The following EYA1 variants were observed in gnomAD, a reference collection of about 807,000 sequenced individuals.
EYA1 encodes protein phosphatase EYA1.
In EYA1, 16 loss-of-function variants were observed where a neutral mutation model predicts 82.0. The observed-to-expected ratio is 0.20, with a 90% CI of 0.13 to 0.30. The LOEUF is 0.30. EYA1 is among the 10% of genes least tolerant of loss of function. The pLI is 1.00. For synonymous variants in EYA1, 261 were observed against 264.4 expected (o/e 0.99, Z 0.12); for missense variants, 633 against 730.7 (o/e 0.87, Z 1.54).
At chr8:71,322,038 C>G in intron 5 of EYA1, 159 bp from the exon 6 acceptor site, 2 of 1,103,928 alleles carry the variant, frequency 1.8e-6, no homozygotes, top group Non-Finnish European at 2.7e-6. Flanking sequence ...AGTGTCTCCA[C>G]TACATGATGC....
intron 3 of EYA1, among the ~76,000 whole-genome samples, 178 bp downstream of exon 3, chr8:71,354,604 C>G (rs944672524): frequency 4.6e-5 from 7 of 152,142 alleles, no homozygotes; most frequent in African/African-American, 1.7e-4. Flanking sequence ...GTTACAATAA[C>G]TGGAAACATG....
Position 71,233,843 on chromosome 8 carries a change from A to C in EYA1, c.1140+10760T>G, listed in dbSNP as rs1460231614. Among the ~76,000 whole-genome samples, 58 of 152,216 alleles carry C rather than the reference A, an allele frequency of 3.8e-4. 1 individual carries two copies. The highest frequency in any genetic ancestry group is 3.4e-4 in the Non-Finnish European group (23 of 68,044). Reference sequence around the variant, plus strand: ...ATAAAGGTAATGCTCATCATTGACTACTATTAGAAAAATTTGAAAATAAGT... The same window carrying C: ...ATAAAGGTAATGCTCATCATTGACTCCTATTAGAAAAATTTGAAAATAAGT... On this transcript the variant is annotated intron_variant, in intron 12 of 17. Transcript: ENST00000340726.
At chr8:71,447,239 AC>A (rs1806964829) in intron 2 of EYA1, among the ~76,000 whole-genome samples, 1 of 152,048 alleles carries the variant, frequency 6.6e-6, no homozygotes, top group Non-Finnish European at 1.5e-5. Context: ...CAATCCAAAT[AC>A]ATCTTGCCTT....
chr8:71,476,474 A>G (rs1258542641), intron 2 of EYA1, among the ~76,000 whole-genome samples: 1 of 152,160 alleles, frequency 6.6e-6, no homozygotes, highest in Non-Finnish European at 1.5e-5. Flanking sequence ...CATTTAAAAA[A>G]TTACTGATAA....
chr8:71,534,383 T>A (rs563146557), intron 2 of EYA1, among the ~76,000 whole-genome samples: 2 of 152,372 alleles, frequency 1.3e-5, no homozygotes, highest in East Asian at 3.9e-4. Flanking sequence ...GATCTCAAAG[T>A]GCTTTATGTG....
At chr8:71,322,130 A>G in intron 5 of EYA1, 69 bp downstream of exon 5, 7 of 1,330,366 alleles carry the variant, frequency 5.3e-6, no homozygotes, top group Non-Finnish European at 7.6e-6. Context: ...GTGGGCACAG[A>G]CATGACTTTA....
intron 2 of EYA1, among the ~76,000 whole-genome samples, chr8:71,427,136 G>A (rs75329008): frequency 0.019 from 2,865 of 152,196 alleles, 94 homozygotes; most frequent in African/African-American, 0.066. Flanking sequence ...AATGATTTTG[G>A]GGCTACAATT....
intron 2 of EYA1, among the ~76,000 whole-genome samples, chr8:71,368,795 C>T (rs1420070646): frequency 1.3e-5 from 2 of 151,956 alleles, no homozygotes; most frequent in South Asian, 2.1e-4. Flanking sequence ...AGGGACCACA[C>T]CTTTAACCTC....
chr8:71,322,567 T>TA (rs1167361247), intron 4 of EYA1: 9 of 402,472 alleles, frequency 2.2e-5, no homozygotes, highest in Non-Finnish European at 4.2e-5. Context: ...TGGCAATACT[T>TA]AAAGAGTACA....
chr8:71,299,864 C>A, intron 7 of EYA1, 144 bp from the exon 8 acceptor site: 1 of 641,556 alleles, frequency 1.6e-6, no homozygotes, highest in Non-Finnish European at 2.8e-6. Flanking sequence ...ATGTAGTTTT[C>A]TTAACATAGT....
intron 2 of EYA1, among the ~76,000 whole-genome samples, chr8:71,425,385 AT>A (rs1805140322): frequency 6.6e-6 from 1 of 152,210 alleles, no homozygotes; most frequent in Non-Finnish European, 1.5e-5. Context: ...GCAAAATATA[AT>A]TTTTAAAGAT....
chr8:71,473,088 C>T (rs1490925019), intron 2 of EYA1, among the ~76,000 whole-genome samples: 5 of 151,556 alleles, frequency 3.3e-5, no homozygotes, highest in Admixed American at 2.6e-4. Flanking sequence ...CTGTTCTTTC[C>T]CACTTGTAAG....
intron 7 of EYA1, among the ~76,000 whole-genome samples, chr8:71,316,171 G>A (rs528701189): frequency 6.6e-6 from 1 of 152,112 alleles, no homozygotes; most frequent in Admixed American, 6.5e-5. Context: ...TTTTTTCAAA[G>A]AAAGGTATCA....
intron 2 of EYA1, among the ~76,000 whole-genome samples, chr8:71,410,065 T>C (rs1457083730): frequency 1.3e-5 from 2 of 152,300 alleles, no homozygotes; most frequent in African/African-American, 4.8e-5. Context: ...AATATAAGGC[T>C]GGTTCAATAT....
chr8:71,316,331 C>T (rs981923093), intron 7 of EYA1, among the ~76,000 whole-genome samples: 8 of 151,472 alleles, frequency 5.3e-5, no homozygotes, highest in African/African-American at 1.7e-4. Context: ...CATAGCATTG[C>T]TCTAAATGTC....
chr8:71,431,534 G>C (rs932206371), intron 2 of EYA1, among the ~76,000 whole-genome samples: 7 of 152,068 alleles, frequency 4.6e-5, no homozygotes, highest in African/African-American at 1.4e-4. Context: ...ACAAGTCCCA[G>C]GATTAGACAT....
intron 9 of EYA1, among the ~76,000 whole-genome samples, chr8:71,289,501 C>T (rs551230604): frequency 2.1e-4 from 32 of 152,202 alleles, no homozygotes; most frequent in Non-Finnish European, 4.4e-5. Flanking sequence ...GCAGCTACTA[C>T]CTTTAGGACT....
intron 2 of EYA1, among the ~76,000 whole-genome samples, chr8:71,505,541 C>T (rs1402728676): frequency 1.3e-5 from 2 of 152,156 alleles, no homozygotes; most frequent in Admixed American, 6.5e-5. Flanking sequence ...CTGCTCTCCC[C>T]TCATATCCAA....
chr8:71,269,914 C>T (rs535377285), intron 10 of EYA1, 91 bp from the exon 11 acceptor site: 30 of 922,080 alleles, frequency 3.3e-5, no homozygotes, highest in East Asian at 7.3e-5. Context: ...CATCTTGAAA[C>T]GGAAGATGAA....
Sources: allele counts gnomAD v4.1 joint callset (sites outside exome capture counted in the v4.1 genomes callset), GRCh38; gene constraint gnomAD v4.1.1; transcripts MANE v1.5; gene names NCBI Gene and HGNC (gene_info 2026-07-23, HGNC 2026-07-21).